BAIAP2L1: variants seen among roughly 807,000 people sequenced by gnomAD.
The protein encoded by BAIAP2L1 is BAR/IMD domain-containing adapter protein 2-like 1.
Under a neutral mutation model 66.3 loss-of-function variants are expected in BAIAP2L1, and 35 were observed. The ratio of observed to expected loss-of-function variants is 0.53; its 90% confidence interval spans 0.40 to 0.70. The LOEUF (loss-of-function observed/expected upper bound fraction) is 0.70, where lower values mean the gene tolerates loss of function less well. BAIAP2L1 is among the 30% of genes least tolerant of loss of function. The pLI is 0.00. For synonymous variants in BAIAP2L1, 269 were observed against 248.7 expected, an observed-to-expected ratio of 1.08 and a Z score of -0.77; for missense variants, 622 against 656.9, an observed-to-expected ratio of 0.95 and a Z score of 0.58.
At chr7:98,368,146 C>T (rs960697717) in intron 1 of BAIAP2L1, among the ~76,000 whole-genome samples, 2 of 152,100 alleles carry the variant, frequency 1.3e-5, no homozygotes, top group Non-Finnish European at 2.9e-5. Flanking sequence ...TGGCCGGGTG[C>T]AGTGGCTCAT....
intron 3 of BAIAP2L1, among the ~76,000 whole-genome samples, chr7:98,329,866 C>G (rs766642800): frequency 1.3e-5 from 2 of 152,056 alleles, no homozygotes; most frequent in Non-Finnish European, 2.9e-5. Flanking sequence ...AACAGGGCTC[C>G]GGGATAATAT....
chr7:98,292,415 C>G lies in BAIAP2L1; in HGVS notation c.*1106G>C. ...GTAGAGACTCCTGACCTCAGGTGAT[C>G]CCCCTGCCTCGGCCTCACAAAATGC... On this transcript the variant is annotated 3_prime_UTR_variant, in exon 14 of 14. Coordinates refer to ENST00000005260, the MANE Select transcript of BAIAP2L1 (RefSeq NM_018842.5). The G allele has an allele frequency of 3.6e-6, 2 of 556,704 alleles. No individual in the cohort carries two copies. Among genetic ancestry groups the G allele is most frequent in the African/African-American group, 1.9e-5 (1 of 52,332 alleles). The allele number at this position is 556,704 out of a possible 1,614,324, so 34.5% of individuals were successfully genotyped here.
chr7:98,400,753 C>T (rs1803350668), intron 1 of BAIAP2L1, 49 bp downstream of exon 1: 2 of 1,542,818 alleles, frequency 1.3e-6, no homozygotes, highest in Non-Finnish European at 1.8e-6. Flanking sequence ...CCTTCTGAAC[C>T]CCGAGGTGGA....
At chr7:98,305,011 G>A (rs1173070519) in intron 11 of BAIAP2L1, among the ~76,000 whole-genome samples, 5 of 146,634 alleles carry the variant, frequency 3.4e-5, no homozygotes, top group African/African-American at 5.1e-5. Flanking sequence ...GATTACAGGC[G>A]CCTGCCACCA....
intron 2 of BAIAP2L1, among the ~76,000 whole-genome samples, chr7:98,361,154 C>T (rs1003405598): frequency 2.6e-5 from 4 of 151,976 alleles, no homozygotes; most frequent in Non-Finnish European, 2.9e-5. Flanking sequence ...GTCAGGAGTT[C>T]GAGACCAGCC....
At chr7:98,293,918 G>C (rs543799925) in intron 13 of BAIAP2L1, among the ~76,000 whole-genome samples, 156 bp downstream of exon 13, 96 of 152,344 alleles carry the variant, frequency 6.3e-4, no homozygotes, top group Non-Finnish European at 1.1e-3. Context: ...AAAGTAGTTG[G>C]TAAAGCGAGC....
chr7:98,313,124 CCACCCCACCCCCAACTGT>C (rs11270106), intron 7 of BAIAP2L1, among the ~76,000 whole-genome samples: 116,842 of 146,884 alleles, frequency 0.8, 46,658 homozygotes, highest in Non-Finnish European at 0.82. Context: ...TCCCCAAATG[CCACCCCACCCCCAACTGT>C]CACCCCACCC....
intron 5 of BAIAP2L1, 131 bp downstream of exon 5, chr7:98,319,927 G>T: frequency 1.3e-6 from 1 of 750,410 alleles, no homozygotes; most frequent in African/African-American, 1.7e-5. Flanking sequence ...TCGGTTTCAT[G>T]CATCTGGGCA....
At chr7:98,385,996 T>C in intron 1 of BAIAP2L1, 1 of 1,451,542 alleles carries the variant, frequency 6.9e-7, no homozygotes, top group Non-Finnish European at 9.6e-7. Context: ...GCAAGCCTTT[T>C]CTATGTCTTT....
intron 5 of BAIAP2L1, among the ~76,000 whole-genome samples, chr7:98,317,605 C>G (rs894020646): frequency 3.9e-5 from 6 of 151,920 alleles, no homozygotes; most frequent in African/African-American, 1.4e-4. Context: ...CAGTTCACAC[C>G]GTCTGCATGC....
intron 3 of BAIAP2L1, among the ~76,000 whole-genome samples, chr7:98,321,022 A>G (rs1554413685): frequency 6.6e-6 from 1 of 151,726 alleles, no homozygotes; most frequent in Non-Finnish European, 1.5e-5. Flanking sequence ...ACACTCAGCT[A>G]TTTTTTTGGG....
chr7:98,382,768 T>C (rs921182541), intron 1 of BAIAP2L1, among the ~76,000 whole-genome samples: 3 of 152,194 alleles, frequency 2.0e-5, no homozygotes, highest in African/African-American at 7.2e-5. Flanking sequence ...AGATGAGGGA[T>C]TGTGGAACCC....
intron 1 of BAIAP2L1, among the ~76,000 whole-genome samples, chr7:98,395,036 G>T (rs147122836): frequency 1.3e-5 from 2 of 150,608 alleles, no homozygotes; most frequent in African/African-American, 4.9e-5. Context: ...GCTTGAACCC[G>T]GGAGGCAAGG....
intron 1 of BAIAP2L1, among the ~76,000 whole-genome samples, chr7:98,369,974 T>C (rs911129348): frequency 6.6e-6 from 1 of 152,032 alleles, no homozygotes; most frequent in African/African-American, 2.4e-5. Flanking sequence ...ACCCAACCAA[T>C]TTCCTGATAT....
At chr7:98,318,021 C>T (rs1180910284) in intron 5 of BAIAP2L1, among the ~76,000 whole-genome samples, 1 of 151,514 alleles carries the variant, frequency 6.6e-6, no homozygotes, top group Non-Finnish European at 1.5e-5. Flanking sequence ...TGCATGATGG[C>T]TGGGACCCTT....
chr7:98,346,325 C>T (rs1801872977), intron 3 of BAIAP2L1, among the ~76,000 whole-genome samples: 1 of 152,122 alleles, frequency 6.6e-6, no homozygotes, highest in Non-Finnish European at 1.5e-5. Flanking sequence ...AAGGAGGAGA[C>T]TTCCACAATA....
At chr7:98,330,518 G>A (rs188963897) in intron 3 of BAIAP2L1, among the ~76,000 whole-genome samples, 26 of 152,220 alleles carry the variant, frequency 1.7e-4, no homozygotes, top group African/African-American at 5.1e-4. Context: ...TTAGCCGGGC[G>A]TGGTGGCGCA....
chr7:98,345,620 G>A (rs1801854379), intron 3 of BAIAP2L1, among the ~76,000 whole-genome samples: 2 of 152,206 alleles, frequency 1.3e-5, no homozygotes, highest in Admixed American at 6.5e-5. Context: ...AGCTACTCGG[G>A]AGGCTGAGGG....
intron 3 of BAIAP2L1, among the ~76,000 whole-genome samples, chr7:98,331,130 A>G (rs13239701): frequency 1.3e-5 from 2 of 152,226 alleles, no homozygotes; most frequent in Non-Finnish European, 2.9e-5. Flanking sequence ...ACTGGACACG[A>G]CCAAGGGAAG....
Sources: allele counts gnomAD v4.1 joint callset (sites outside exome capture counted in the v4.1 genomes callset), GRCh38; gene constraint gnomAD v4.1.1; transcripts MANE v1.5; gene names NCBI Gene and HGNC (gene_info 2026-07-23, HGNC 2026-07-21).